The following SLC2A4RG variants were observed in gnomAD, a reference collection of about 807,000 sequenced individuals.
The protein encoded by SLC2A4RG is GLUT4 enhancer factor.
SLC2A4RG carries 23 observed loss-of-function variants against 35.5 expected under a neutral mutation model. The observed-to-expected ratio is 0.65, with a 90% CI of 0.47 to 0.92. SLC2A4RG has a LOEUF of 0.92. Ranked by LOEUF, SLC2A4RG falls within the 40% of genes least tolerant of loss-of-function variation. The pLI is 0.00. For synonymous variants in SLC2A4RG, 306 were observed against 243.7 expected, an observed-to-expected ratio of 1.26 and a Z score of -2.38; for missense variants, 539 against 525.0, an observed-to-expected ratio of 1.03 and a Z score of -0.26.
Position 63,742,530 on chromosome 20 carries a change from G to T in SLC2A4RG, c.875G>T (p.Arg292Leu). 6.4e-7 allele frequency: 1 copy of T among 1,561,546 alleles called. No individual in the cohort carries two copies. The highest frequency in any genetic ancestry group is 8.7e-7 in the Non-Finnish European group (1 of 1,153,240). ...CCCCCAGCCCTGCCTAGTCCCCTGC[G>T]GCCGCCTGCCCCGCCCCTGCCCCCG... ...LEPPALPSPL[R>L]PPAPPLPPPP... The change falls in exon 6 of 8, where the codon CGG (arginine) becomes CTG (leucine). Residue 292 changes from arginine to leucine, a missense_variant. Arg to Leu is a moderately radical substitution (Grantham distance 102). Transcript: ENST00000266077.
In SLC2A4RG at chr20:63,742,888, C is replaced by T. The variant is rs778592163; in HGVS notation, c.1062C>T (p.Arg354=). The T allele has an allele frequency of 3.2e-5, 52 of 1,611,292 alleles. No homozygotes were observed. The highest frequency in any genetic ancestry group is 2.0e-4 in the African/African-American group (15 of 74,860). Reference sequence around the variant, plus strand: ...GTGACCCCCCGCACAGGAAGCCCCGCGGCGACGCGAAGAAGTGCCGGAAGG... The same window carrying T: ...GTGACCCCCCGCACAGGAAGCCCCGTGGCGACGCGAAGAAGTGCCGGAAGG... The part of the protein sequence containing the change: ...SRIGVTLRKP[R]GDAKKCRKVY... Residue 354 remains arginine, a synonymous_variant, in exon 8 of 8, where the codon CGC becomes CGT. Coordinates refer to ENST00000266077, the MANE Select transcript of SLC2A4RG (RefSeq NM_020062.4).
chr20:63,742,284 G>A, intron 5 of SLC2A4RG, 52 bp from the exon 6 acceptor site: 1 of 1,598,564 alleles, frequency 6.3e-7, no homozygotes, highest in Non-Finnish European at 8.5e-7. Context: ...GGGTTGTGAG[G>A]CCCGGCCAGG....
chr20:63,742,301 C>G, intron 5 of SLC2A4RG, 35 bp from the exon 6 acceptor site: 1 of 1,605,106 alleles, frequency 6.2e-7, no homozygotes, highest in Non-Finnish European at 8.5e-7. Context: ...CAGGCCACCC[C>G]TTCAGCTCCC....
intron 7 of SLC2A4RG, 44 bp from the exon 8 acceptor site, chr20:63,742,835 G>A (rs778448600): frequency 2.5e-6 from 4 of 1,588,700 alleles, no homozygotes; most frequent in Non-Finnish European, 3.4e-6. Flanking sequence ...GGTGGGGAGG[G>A]TCCTGGTCTC....
chr20:63,742,597 C>T lies in SLC2A4RG; in HGVS notation c.942C>T (p.His314=). The change falls in exon 6 of 8, where the codon CAC becomes CAT. Residue 314 remains histidine, a synonymous_variant. Transcript: ENST00000266077. The part of the protein sequence containing the change: ...LSTVANPQSC[H]SDRVYQGCLT... ...CCGTTGCTAACCCCCAGTCCTGTCACAGTGACCGTGTCTACCAGGTGGGTG... is the reference window on the plus strand; with the variant it reads ...CCGTTGCTAACCCCCAGTCCTGTCATAGTGACCGTGTCTACCAGGTGGGTG... 6.3e-7 allele frequency: 1 copy of T among 1,576,358 alleles called. No homozygotes were observed. The highest frequency in any genetic ancestry group is 8.6e-7 in the Non-Finnish European group (1 of 1,156,848).
In SLC2A4RG at chr20:63,739,791, C is replaced by T; in HGVS notation, c.-122C>T. The T allele has an allele frequency of 1.1e-6, 1 of 911,868 alleles. No individual in the cohort carries two copies. Among genetic ancestry groups the T allele is most frequent in the Non-Finnish European group, 1.3e-6 (1 of 769,106 alleles). The allele number at this position is 911,868 out of a possible 1,614,324, so 56.5% of individuals were successfully genotyped here. ...CGGGCCGGGCAGCCTCCGGGCGGCG[C>T]GGCGCGGGCGGCGGCCGGATCCAGG... On this transcript the variant is annotated 5_prime_UTR_variant, in exon 1 of 8. Coordinates refer to ENST00000266077, the MANE Select transcript of SLC2A4RG (RefSeq NM_020062.4).
At chr20:63,740,683 G>T (rs1256686394) in intron 2 of SLC2A4RG, 152 bp downstream of exon 2, 2 of 778,948 alleles carry the variant, frequency 2.6e-6, no homozygotes, top group East Asian at 6.8e-5. Flanking sequence ...GAGCTGAGCA[G>T]AAATGATCGA....
Position 63,739,961 on chromosome 20 carries a change from C to T in SLC2A4RG, c.49C>T (p.Arg17Trp), listed in dbSNP as rs891348551. 2.2e-5 allele frequency: 22 copies of T among 979,782 alleles called. No homozygotes were observed. Among genetic ancestry groups the T allele is most frequent in the Non-Finnish European group, 2.5e-5 (21 of 827,842 alleles). 60.7% of individuals were successfully genotyped at this position (979,782 alleles called of 1,614,324 possible). A position where few individuals can be genotyped will look rare whatever the true frequency, so the allele number is the denominator to read the frequency against. Residue 17 changes from arginine (R) to tryptophan (W), a missense_variant, in exon 1 of 8, where the codon CGG becomes TGG. Physicochemically the swap from Arg to Trp is moderately radical, Grantham distance 101. Coordinates refer to ENST00000266077, the MANE Select transcript of SLC2A4RG (RefSeq NM_020062.4). ...RAAGRDPSAL[R>W]AEAPWLRAEG... ...CGCCGGCCGGGACCCCAGTGCGCTG[C>T]GGGCCGAGGCGCCGTGGCTGCGCGC...
Position 63,742,052 on chromosome 20 carries a change from G to A in SLC2A4RG, c.575G>A (p.Arg192Lys), listed in dbSNP as rs1228919740. 1 of 1,611,546 alleles carries A rather than the reference G, an allele frequency of 6.2e-7. No individual in the cohort carries two copies. Among genetic ancestry groups the A allele is most frequent in the South Asian group, 1.1e-5 (1 of 91,032 alleles). The change falls in exon 4 of 8, where the codon AGG (arginine) becomes AAG (lysine). Residue 192 changes from arginine to lysine, a missense_variant. Coordinates refer to ENST00000266077, the MANE Select transcript of SLC2A4RG (RefSeq NM_020062.4). Reference sequence around the variant, plus strand: ...TTTGGGGAGCCCACCCTGAGAAAAAGGAAGGTGAGCTTGGGGGCGGCCCCC... The same window carrying A: ...TTTGGGGAGCCCACCCTGAGAAAAAAGAAGGTGAGCTTGGGGGCGGCCCCC... ...FLFGEPTLRK[R>K]KSPAQVMFQC...
Position 63,743,078 on chromosome 20 carries a change from A to T in SLC2A4RG, c.*88A>T. ...GCTGAAACAGCCCGAGGACAGCCCC[A>T]GGGGCTGGCTTTCACCAGCTGCAGG... On this transcript the variant is annotated 3_prime_UTR_variant, in exon 8 of 8. Transcript: ENST00000266077. The T allele has an allele frequency of 1.7e-6, 1 of 588,296 alleles. No homozygotes were observed. The highest frequency in any genetic ancestry group is 2.2e-6 in the Non-Finnish European group (1 of 449,800). 36.4% of individuals were successfully genotyped at this position (588,296 alleles called of 1,614,324 possible).
chr20:63,741,586 T>C, intron 3 of SLC2A4RG, 107 bp downstream of exon 3: 1 of 1,200,052 alleles, frequency 8.3e-7, no homozygotes, highest in East Asian at 2.6e-5. Flanking sequence ...CTGGGACTCC[T>C]TTCTAAAATG....
chr20:63,740,087 A>G (rs1453038162), intron 1 of SLC2A4RG, 49 bp downstream of exon 1: 5 of 894,240 alleles, frequency 5.6e-6, no homozygotes, highest in African/African-American at 3.7e-5. Context: ...CTCTCGCTGC[A>G]AAGATGGCGT....
At chr20:63,742,840 G>A (rs976193931) in intron 7 of SLC2A4RG, 39 bp from the exon 8 acceptor site, 9 of 1,592,374 alleles carry the variant, frequency 5.7e-6, no homozygotes, top group African/African-American at 1.3e-5. Flanking sequence ...GGAGGGTCCT[G>A]GTCTCACAGC....
In SLC2A4RG at chr20:63,742,866, A is replaced by AC. The variant is rs755109627; in HGVS notation, c.1053-7dup. On this transcript the variant is annotated splice_polypyrimidine_tract_variant and intron_variant, in intron 7 of 7. Coordinates refer to ENST00000266077, the MANE Select transcript of SLC2A4RG (RefSeq NM_020062.4). ...GTCTCACAGCACCCCATGTCCTGTG[A>AC]CCCCCCGCACAGGAAGCCCCGCGGC... 6.8e-6 allele frequency: 11 copies of AC among 1,606,818 alleles called. No individual in the cohort carries two copies. Among genetic ancestry groups the AC allele is most frequent in the Admixed American group, 1.7e-5 (1 of 59,156 alleles).
rs140539992 is a variant in SLC2A4RG at position 63,741,990 on chromosome 20, G to A, written c.513G>A (p.Pro171=). 119 of 1,613,000 alleles carry A rather than the reference G, an allele frequency of 7.4e-5. No individual in the cohort carries two copies. The African/African-American group carries it at 1.1e-3, about 15-fold the overall frequency. The change falls in exon 4 of 8, where the codon CCG becomes CCA. Residue 171 remains proline, a synonymous_variant. Coordinates refer to ENST00000266077, the MANE Select transcript of SLC2A4RG (RefSeq NM_020062.4). ...GTGACCAGTCCTCTCCGTCCACCCC[G>A]TCACCCCCACTGCCCCCCGAGGCAG... ...LASDQSSPST[P]SPPLPPEAAH...
At chr20:63,740,788 G>T (rs1456175511) in intron 2 of SLC2A4RG, among the ~76,000 whole-genome samples, 1 of 152,196 alleles carries the variant, frequency 6.6e-6, no homozygotes, top group Non-Finnish European at 1.5e-5. Context: ...TGCAGAAGAG[G>T]CTGCGCGGTC....
In SLC2A4RG at chr20:63,742,027, T is replaced by C; in HGVS notation, c.550T>C (p.Phe184Leu). ...GCCCCCCGAGGCAGCCCACTTTCTG[T>C]TTGGGGAGCCCACCCTGAGAAAAAG... ...PLPPEAAHFL[F>L]GEPTLRKRKS... The change falls in exon 4 of 8, where the codon TTT becomes CTT. Residue 184 changes from phenylalanine to leucine, a missense_variant. Transcript: ENST00000266077. The C allele has an allele frequency of 1.2e-6, 2 of 1,611,902 alleles. No homozygotes were observed. The highest frequency in any genetic ancestry group is 1.7e-6 in the Non-Finnish European group (2 of 1,179,054).
At position 63,740,037 on chromosome 20, in the gene SLC2A4RG, A is replaced by G. The variant is rs1255692433; in HGVS notation, c.125A>G (p.Gln42Arg). 5 of 979,436 alleles carry G rather than the reference A, an allele frequency of 5.1e-6. No homozygotes were observed. The highest frequency in any genetic ancestry group is 6.0e-6 in the Non-Finnish European group (5 of 826,920). The allele number at this position is 979,436 out of a possible 1,614,324, so 60.7% of individuals were successfully genotyped here. The part of the protein sequence containing the change: ...AAPVTVPTPP[Q>R]GSSVGGGFAG... ...CCCGTGACGGTGCCCACGCCGCCGC[A>G]GGTACCGGGCGCCGGTGGGCGGGGG... The change falls in exon 1 of 8, where the codon CAG becomes CGG. Residue 42 changes from glutamine (Q) to arginine (R), a missense_variant and splice_region_variant. Physicochemically the swap from Gln to Arg is conservative, Grantham distance 43. Transcript: ENST00000266077.
chr20:63,740,440 C>T lies in SLC2A4RG; in HGVS notation c.190C>T (p.Arg64Trp). The change falls in exon 2 of 8, where the codon CGG becomes TGG. Residue 64 changes from arginine to tryptophan, a missense_variant. By Grantham distance (101) the Arg-to-Trp change is moderately radical. Transcript: ENST00000266077. ...EFARPQESEP[R>W]ASDLGAPRTW... The stretch of plus-strand genomic sequence containing the variant: ...CGCGCGGCCGCAGGAGTCGGAGCCG[C>T]GGGCCTCGGACCTGGGGGCCCCCCG... 8.1e-7 allele frequency: 1 copy of T among 1,230,912 alleles called. No individual in the cohort carries two copies. The highest frequency in any genetic ancestry group is 1.0e-6 in the Non-Finnish European group (1 of 986,580). 76.2% of individuals were successfully genotyped at this position (1,230,912 alleles called of 1,614,324 possible).
Sources: allele counts gnomAD v4.1 joint callset (sites outside exome capture counted in the v4.1 genomes callset), GRCh38; gene constraint gnomAD v4.1.1; transcripts MANE v1.5; gene names NCBI Gene and HGNC (gene_info 2026-07-23, HGNC 2026-07-21).